The following UBE2R2 variants were observed in gnomAD, a reference collection of about 807,000 sequenced individuals.
UBE2R2 encodes the protein ubiquitin-conjugating enzyme E2 R2.
UBE2R2 carries 1 observed loss-of-function variant against 27.8 expected under a neutral mutation model. The observed-to-expected ratio is 0.04, with a 90% CI of 0.01 to 0.17. The LOEUF is 0.17. Among genes scored for constraint, UBE2R2 ranks in the 10% least tolerant of loss-of-function variants. UBE2R2 has a pLI of 1.00. For synonymous variants in UBE2R2, 106 were observed against 113.3 expected, an observed-to-expected ratio of 0.94 and a Z score of 0.41; for missense variants, 100 against 291.0, an observed-to-expected ratio of 0.34 and a Z score of 4.78.
intron 1 of UBE2R2, among the ~76,000 whole-genome samples, chr9:33,872,013 A>G (rs1264510438): frequency 2.0e-5 from 3 of 151,908 alleles, no homozygotes; most frequent in Non-Finnish European, 2.9e-5. Context: ...CACCCGGCCT[A>G]TTTCCTGTAT....
At chr9:33,859,348 A>G (rs935497829) in intron 1 of UBE2R2, among the ~76,000 whole-genome samples, 1 of 152,210 alleles carries the variant, frequency 6.6e-6, no homozygotes, top group Non-Finnish European at 1.5e-5. Context: ...GCTGGGAAGC[A>G]TAGTTTATAT....
At chr9:33,851,923 A>G (rs1450573579) in intron 1 of UBE2R2, among the ~76,000 whole-genome samples, 1 of 152,174 alleles carries the variant, frequency 6.6e-6, no homozygotes, top group Non-Finnish European at 1.5e-5. Context: ...AAGTATTAAA[A>G]TATTATCTAC....
At chr9:33,916,530 C>T (rs963904804) in intron 4 of UBE2R2, among the ~76,000 whole-genome samples, 4 of 152,178 alleles carry the variant, frequency 2.6e-5, no homozygotes, top group Non-Finnish European at 5.9e-5. Context: ...CAGAGTGGGA[C>T]GTTTTATTCA....
chr9:33,919,578 G>T lies in UBE2R2; in HGVS notation c.*2341G>T, dbSNP rs1052426488. On this transcript the variant is annotated 3_prime_UTR_variant, in exon 5 of 5. Transcript: ENST00000263228. ...GTCAAGGGCTGGGTTTGCCTCTGAT[G>T]AGTACAATCAGTTCCAGAAGACTGG... 7.3e-5 allele frequency: 11 copies of T among 150,290 alleles called. No homozygotes were observed. Among genetic ancestry groups the T allele is most frequent in the African/African-American group, 2.7e-4 (11 of 40,448 alleles). The allele number at this position is 150,290 out of a possible 1,614,324, so 9.3% of individuals were successfully genotyped here. A position where few individuals can be genotyped will look rare whatever the true frequency, so the allele number is the denominator to read the frequency against.
At chr9:33,859,201 C>T (rs1180527210) in intron 1 of UBE2R2, among the ~76,000 whole-genome samples, 1 of 152,138 alleles carries the variant, frequency 6.6e-6, no homozygotes, top group Non-Finnish European at 1.5e-5. Context: ...ACTTTGAAAT[C>T]ATTAAACCTT....
upstream of UBE2R2, among the ~76,000 whole-genome samples, chr9:33,815,362 A>G (rs550588280): frequency 6.6e-6 from 1 of 152,316 alleles, no homozygotes; most frequent in Admixed American, 6.5e-5. Context: ...TAATACATGT[A>G]CTCTACTAAT....
At chr9:33,879,955 T>C (rs1563998532) in intron 1 of UBE2R2, among the ~76,000 whole-genome samples, 1 of 151,610 alleles carries the variant, frequency 6.6e-6, no homozygotes, top group African/African-American at 2.4e-5. Flanking sequence ...AGGTTATGAT[T>C]CACTGCAGCC....
At chr9:33,820,260 A>C (rs942037530) in intron 1 of UBE2R2, among the ~76,000 whole-genome samples, 8 of 152,246 alleles carry the variant, frequency 5.3e-5, no homozygotes, top group African/African-American at 1.9e-4. Flanking sequence ...GATTTAAATT[A>C]AATGCTTCTG....
intron 3 of UBE2R2, among the ~76,000 whole-genome samples, chr9:33,910,384 T>C (rs930326696): frequency 3.9e-5 from 6 of 152,130 alleles, no homozygotes; most frequent in Admixed American, 3.3e-4. Context: ...CCTGACCTCA[T>C]GATCTGCCTG....
At chr9:33,898,116 C>T (rs1020682544) in intron 2 of UBE2R2, among the ~76,000 whole-genome samples, 2 of 151,672 alleles carry the variant, frequency 1.3e-5, no homozygotes, top group African/African-American at 4.8e-5. Context: ...GATGGAGTCT[C>T]GCTCTGCCGC....
chr9:33,905,809 C>T (rs1196014949), intron 3 of UBE2R2, among the ~76,000 whole-genome samples: 2 of 152,114 alleles, frequency 1.3e-5, no homozygotes, highest in Non-Finnish European at 2.9e-5. Context: ...GTTACTGGCC[C>T]ATCCTTTGAT....
chr9:33,859,918 T>C (rs554331489), intron 1 of UBE2R2, among the ~76,000 whole-genome samples: 1 of 151,992 alleles, frequency 6.6e-6, no homozygotes, highest in East Asian at 1.9e-4. Flanking sequence ...GCAATCTTTC[T>C]ACCTCACCTT....
At chr9:33,848,619 TA>T (rs1820895893) in intron 1 of UBE2R2, among the ~76,000 whole-genome samples, 1 of 151,288 alleles carries the variant, frequency 6.6e-6, no homozygotes, top group South Asian at 2.1e-4. Context: ...TTTTTTTTTT[TA>T]AATGGAGTCT....
Position 33,817,662 on chromosome 9 carries a change from CCGGAGGGCGAG to C in UBE2R2, c.-88_-78del. On this transcript the variant is annotated 5_prime_UTR_variant, in exon 1 of 5. Coordinates refer to ENST00000263228, the MANE Select transcript of UBE2R2 (RefSeq NM_017811.4). ...AAGACCGGGGCCCGGTGCTGCCCGG[CCGGAGGGCGAG>C]CGGAGGGGAGGGGCCTGGTCCGGCC... 8.6e-7 allele frequency: 1 copy of C among 1,166,664 alleles called. No homozygotes were observed. Among genetic ancestry groups the C allele is most frequent in the Non-Finnish European group, 1.1e-6 (1 of 948,134 alleles). 72.3% of individuals were successfully genotyped at this position (1,166,664 alleles called of 1,614,324 possible).
At chr9:33,911,282 C>T (rs1323944951) in intron 3 of UBE2R2, among the ~76,000 whole-genome samples, 1 of 151,360 alleles carries the variant, frequency 6.6e-6, no homozygotes, top group Non-Finnish European at 1.5e-5. Context: ...GTGGCAGGCG[C>T]CTGTAATCCC....
intron 1 of UBE2R2, among the ~76,000 whole-genome samples, chr9:33,831,888 C>T (rs1360856139): frequency 6.6e-6 from 1 of 151,752 alleles, no homozygotes; most frequent in Non-Finnish European, 1.5e-5. Flanking sequence ...CTCAAACTCC[C>T]GAACTCAGGT....
rs749987839 is a variant in UBE2R2, at chr9:33,897,024, A to ATTTTTTTT, written c.265-3127_265-3120dup. On this transcript the variant is annotated intron_variant, in intron 2 of 4. Coordinates refer to ENST00000263228, the MANE Select transcript of UBE2R2 (RefSeq NM_017811.4). ...CCAAGTAGCATACTTCTGTGGCCTAATTTTTTTTTTTTTTTTTTTTTTTTT... is the reference window on the plus strand; with the variant it reads ...CCAAGTAGCATACTTCTGTGGCCTAATTTTTTTTTTTTTTTTTTTTTTTTTTTTTTTTT... Among the ~76,000 whole-genome samples the ATTTTTTTT allele has an allele frequency of 1.2e-3, 50 of 40,636 alleles. 17 individuals are homozygous for ATTTTTTTT. Among genetic ancestry groups the ATTTTTTTT allele is most frequent in the African/African-American group, 2.4e-3 (24 of 9,916 alleles). 26.7% of individuals were successfully genotyped at this position (40,636 alleles called of 152,430 possible).
At position 33,917,679 on chromosome 9, in the gene UBE2R2, A is replaced by G. The variant is rs1303417944; in HGVS notation, c.*442A>G. On this transcript the variant is annotated 3_prime_UTR_variant, in exon 5 of 5. Coordinates refer to ENST00000263228, the MANE Select transcript of UBE2R2 (RefSeq NM_017811.4). ...TATACTGGGTAGCAAAAGAAAATGG[A>G]AAAAAACCCACAAAACAAACTTTAA... is the stretch of plus-strand genomic sequence containing the variant. 2.0e-5 allele frequency: 5 copies of G among 248,074 alleles called. No individual in the cohort carries two copies. The South Asian group carries it at 7.0e-4, about 35-fold the overall frequency. The allele number at this position is 248,074 out of a possible 1,614,324, so 15.4% of individuals were successfully genotyped here. A position where few individuals can be genotyped will look rare whatever the true frequency, so the allele number is the denominator to read the frequency against.
intron 1 of UBE2R2, among the ~76,000 whole-genome samples, chr9:33,833,256 G>A (rs1341497562): frequency 1.3e-5 from 2 of 152,072 alleles, no homozygotes; most frequent in South Asian, 2.1e-4. Flanking sequence ...TAGTACAGAC[G>A]GGGTTTCACC....
Sources: allele counts gnomAD v4.1 joint callset (sites outside exome capture counted in the v4.1 genomes callset), GRCh38; gene constraint gnomAD v4.1.1; transcripts MANE v1.5; gene names NCBI Gene and HGNC (gene_info 2026-07-23, HGNC 2026-07-21).